The following SPMIP3 variants were observed in gnomAD, a reference collection of about 807,000 sequenced individuals.
SPMIP3 encodes protein SPMIP3.
At chr1:244,366,327 T>G in the SPMIP3 span, among the ~76,000 whole-genome samples, 3 of 152,116 alleles carry the variant, frequency 2.0e-5, no homozygotes, top group African/African-American at 7.2e-5. Context: ...ACAAGCTGCC[T>G]GGCTAATTTT....
At chr1:244,379,397 G>C in the SPMIP3 span, among the ~76,000 whole-genome samples, 1 of 151,812 alleles carries the variant, frequency 6.6e-6, no homozygotes, top group Admixed American at 6.6e-5. Context: ...TAGAGATGAG[G>C]GTCTTGCTTT....
At chr1:244,359,170 C>A in the SPMIP3 span, among the ~76,000 whole-genome samples, 1 of 148,668 alleles carries the variant, frequency 6.7e-6, no homozygotes, top group Non-Finnish European at 1.5e-5. Context: ...GATTTGGTAT[C>A]CCTCACATAA....
chr1:244,366,457 C>T, the SPMIP3 span, among the ~76,000 whole-genome samples: 3 of 152,212 alleles, frequency 2.0e-5, no homozygotes, highest in African/African-American at 7.2e-5. Context: ...AGCCACAACA[C>T]CCAGCCTCAT....
At chr1:244,353,652 T>C in the SPMIP3 span, among the ~76,000 whole-genome samples, 52,728 of 151,850 alleles carry the variant, frequency 0.35, 10,854 homozygotes, top group Middle Eastern at 0.48. Context: ...GGAACGTATG[T>C]AGGACCTGAA....
the SPMIP3 span, among the ~76,000 whole-genome samples, chr1:244,363,734 T>G: frequency 6.6e-6 from 1 of 152,310 alleles, no homozygotes; most frequent in East Asian, 1.9e-4. Flanking sequence ...GGACACAGAC[T>G]TCAGCCACTG....
At chr1:244,369,148 G>C in the SPMIP3 span, among the ~76,000 whole-genome samples, 2 of 151,980 alleles carry the variant, frequency 1.3e-5, no homozygotes, top group Admixed American at 6.6e-5. Flanking sequence ...GACAGAGCCA[G>C]ACTCCGTCTC....
At chr1:244,358,481 A>C in the SPMIP3 span, among the ~76,000 whole-genome samples, 68 of 151,998 alleles carry the variant, frequency 4.5e-4, 1 homozygote, top group African/African-American at 1.5e-3. Context: ...GCTAGTCAGG[A>C]GGCTGAGGCA....
At chr1:244,388,852 A>T in the SPMIP3 span, 1 of 907,858 alleles carries the variant, frequency 1.1e-6, no homozygotes, top group Non-Finnish European at 1.7e-6. Flanking sequence ...AAACCCCAAA[A>T]GTTATTTTGT....
At chr1:244,376,970 G>C in the SPMIP3 span, among the ~76,000 whole-genome samples, 1 of 151,516 alleles carries the variant, frequency 6.6e-6, no homozygotes. Flanking sequence ...CATCACGCTC[G>C]GCTAATTTTG....
the SPMIP3 span, among the ~76,000 whole-genome samples, chr1:244,360,034 G>A: frequency 7.0e-4 from 106 of 151,682 alleles, no homozygotes; most frequent in East Asian, 0.019. Flanking sequence ...ACTGGAACCC[G>A]GGAGGCGGAG....
chr1:244,366,465 C>T, the SPMIP3 span, among the ~76,000 whole-genome samples: 1 of 152,202 alleles, frequency 6.6e-6, no homozygotes, highest in African/African-American at 2.4e-5. Context: ...CACCCAGCCT[C>T]ATGTTTATTT....
At chr1:244,359,140 C>CAA in the SPMIP3 span, among the ~76,000 whole-genome samples, 1,868 of 133,054 alleles carry the variant, frequency 0.014, 27 homozygotes, top group South Asian at 0.029. Context: ...TGATTAATGG[C>CAA]AAAAAAAAAA....
chr1:244,372,828 A>G, the SPMIP3 span, among the ~76,000 whole-genome samples: 3 of 152,148 alleles, frequency 2.0e-5, no homozygotes, highest in African/African-American at 7.2e-5. Flanking sequence ...CAAACTCAAT[A>G]AAGTCACCTT....
At chr1:244,360,509 T>C in the SPMIP3 span, among the ~76,000 whole-genome samples, 8,948 of 59,016 alleles carry the variant, frequency 0.15, 701 homozygotes, top group South Asian at 0.24. Context: ...AAACGTGATA[T>C]ACACACACAC....
chr1:244,388,961 GA>G, the SPMIP3 span: 2 of 1,613,414 alleles, frequency 1.2e-6, no homozygotes, highest in Non-Finnish European at 1.7e-6. Flanking sequence ...ATTGGAACCA[GA>G]AATTAGCCAC....
chr1:244,384,084 A>T, the SPMIP3 span, among the ~76,000 whole-genome samples: 47 of 152,192 alleles, frequency 3.1e-4, no homozygotes, highest in East Asian at 7.7e-4. Context: ...ATAAAAAATT[A>T]AAAAAAATTC....
the SPMIP3 span, among the ~76,000 whole-genome samples, chr1:244,381,120 G>C: frequency 6.6e-6 from 1 of 152,028 alleles, no homozygotes; most frequent in Non-Finnish European, 1.5e-5. Context: ...ATGGAAGCTG[G>C]GGATTAGCTT....
the SPMIP3 span, chr1:244,376,260 CTCTT>C: frequency 1.3e-5 from 2 of 152,224 alleles, no homozygotes; most frequent in South Asian, 2.1e-4. Flanking sequence ...TGCTAACACA[CTCTT>C]TCTTAAAGAA....
chr1:244,380,292 G>A, the SPMIP3 span, among the ~76,000 whole-genome samples: 16,234 of 151,752 alleles, frequency 0.11, 1,041 homozygotes, highest in African/African-American at 0.17. Flanking sequence ...GCTAATTTTT[G>A]TATTTTTAGT....
Sources: allele counts gnomAD v4.1 joint callset (sites outside exome capture counted in the v4.1 genomes callset), GRCh38; gene constraint gnomAD v4.1.1; transcripts MANE v1.5; gene names NCBI Gene and HGNC (gene_info 2026-07-23, HGNC 2026-07-21).